FGD2: variants seen among roughly 807,000 people sequenced by gnomAD.
FGD2 encodes FYVE, RhoGEF and PH domain-containing protein 2.
In FGD2, 52 loss-of-function variants were observed where a neutral mutation model predicts 75.9. The ratio of observed to expected loss-of-function variants is 0.69; its 90% CI spans 0.55 to 0.86. FGD2 has a LOEUF of 0.86. Among genes scored for constraint, FGD2 ranks in the 40% least tolerant of loss-of-function variants. FGD2 has a pLI of 0.00. For synonymous variants in FGD2, 347 were observed against 348.6 expected, an observed-to-expected ratio of 1.00 and a Z score of 0.05; for missense variants, 790 against 872.0, an observed-to-expected ratio of 0.91 and a Z score of 1.18.
Position 37,028,265 on chromosome 6 carries a change from C to A in FGD2, c.*102C>A. 8.5e-7 allele frequency: 1 copy of A among 1,182,650 alleles called. No homozygotes were observed. Among genetic ancestry groups the A allele is most frequent in the Non-Finnish European group, 1.1e-6 (1 of 869,914 alleles). The allele number at this position is 1,182,650 out of a possible 1,614,324, so 73.3% of individuals were successfully genotyped here. ...CAGTGACCCACTGCCCCAAGTGGTG[C>A]TTTCAGAGAATTGATTCAGCCATCT... On this transcript the variant is annotated 3_prime_UTR_variant, in exon 16 of 16. Coordinates refer to ENST00000274963, the MANE Select transcript of FGD2 (RefSeq NM_173558.4).
At chr6:37,013,877 TGCCTACTCGTCCG>T in intron 5 of FGD2, 72 bp from the exon 6 acceptor site, 1 of 1,583,228 alleles carries the variant, frequency 6.3e-7, no homozygotes, top group South Asian at 1.2e-5. Context: ...CATAGGCCCC[TGCCTACTCGTCCG>T]GCCCTCAGGA....
intron 15 of FGD2, 43 bp from the exon 16 acceptor site, chr6:37,027,905 G>C (rs1156355865): frequency 6.2e-7 from 1 of 1,600,446 alleles, no homozygotes; most frequent in South Asian, 1.1e-5. Flanking sequence ...GGGGCAGTAG[G>C]ACTGAGAGGG....
At chr6:37,015,893 C>T (rs201123146) in intron 9 of FGD2, 33 bp downstream of exon 9, 17 of 1,541,640 alleles carry the variant, frequency 1.1e-5, no homozygotes, top group Non-Finnish European at 1.4e-5. Context: ...CTGGGCTCCA[C>T]CTCAAGGGTA....
In FGD2 at chr6:37,025,825, G is replaced by A. The variant is rs762784794; in HGVS notation, c.1492G>A (p.Glu498Lys). 78 of 1,614,034 alleles carry A rather than the reference G, an allele frequency of 4.8e-5. No individual in the cohort carries two copies. In the Middle Eastern group the frequency reaches 6.6e-4, roughly 14 times the overall value. The change falls in exon 14 of 16, where the codon GAA (glutamate) becomes AAA (lysine). Residue 498 changes from glutamate to lysine, a missense_variant. By Grantham distance (56) the Glu-to-Lys change is moderately conservative. Transcript: ENST00000274963. The part of the protein sequence containing the change: ...VCARCSDYRA[E>K]LKYDDNRPNR... Reference sequence around the variant, plus strand: ...TGCCAGGTGCTCCGACTACCGGGCCGAACTGAAATACGACGACAACAGGCC... The same window carrying A: ...TGCCAGGTGCTCCGACTACCGGGCCAAACTGAAATACGACGACAACAGGCC...
intron 4 of FGD2, among the ~76,000 whole-genome samples, chr6:37,012,345 G>T (rs570577853): frequency 6.6e-6 from 1 of 152,320 alleles, no homozygotes; most frequent in South Asian, 2.1e-4. Flanking sequence ...TGGCAAAGAA[G>T]AATGCTAGTA....
intron 4 of FGD2, 49 bp downstream of exon 4, chr6:37,011,903 G>A: frequency 6.3e-7 from 1 of 1,591,340 alleles, no homozygotes; most frequent in Non-Finnish European, 8.5e-7. Context: ...GCCCTGGCCA[G>A]GTGGAGGTGG....
chr6:37,027,909 G>A (rs748796437), intron 15 of FGD2, 39 bp from the exon 16 acceptor site: 13 of 1,603,340 alleles, frequency 8.1e-6, no homozygotes, highest in Non-Finnish European at 9.4e-6. Context: ...CAGTAGGACT[G>A]AGAGGGGACA....
rs1206603974 is a variant in FGD2, at chr6:37,025,945, G to A, written c.1605+7G>A. Reference sequence around the variant, plus strand: ...GAGGCGGGGCATCCTGGAGGTGAGGGCCACTGTCCCCGCGCTCACCATCCG... The same window carrying A: ...GAGGCGGGGCATCCTGGAGGTGAGGACCACTGTCCCCGCGCTCACCATCCG... On this transcript the variant is annotated splice_region_variant and intron_variant, in intron 14 of 15. Transcript: ENST00000274963. The A allele has an allele frequency of 1.2e-6, 2 of 1,613,556 alleles. No homozygotes were observed. Among genetic ancestry groups the A allele is most frequent in the Admixed American group, 1.7e-5 (1 of 59,956 alleles).
chr6:37,025,626 A>G (rs1765780767), intron 13 of FGD2, 166 bp from the exon 14 acceptor site: 4 of 696,314 alleles, frequency 5.7e-6, no homozygotes, highest in Non-Finnish European at 9.6e-6. Flanking sequence ...GTTGGGCCTC[A>G]CCAGCATGGG....
At position 37,013,949 on chromosome 6, in the gene FGD2, A is replaced by C; in HGVS notation, c.685-13A>C. On this transcript the variant is annotated splice_polypyrimidine_tract_variant and intron_variant, in intron 5 of 15. Transcript: ENST00000274963. ...CTCACCCTCTCCGTGTTGCTCCCCC[A>C]TCCCTCCCCAAGAGCAGCGAGGCTT... is the stretch of plus-strand genomic sequence containing the variant. 6.2e-7 allele frequency: 1 copy of C among 1,611,346 alleles called. No homozygotes were observed. The highest frequency in any genetic ancestry group is 8.5e-7 in the Non-Finnish European group (1 of 1,178,582).
At chr6:37,027,257 G>A (rs1765870004) in intron 14 of FGD2, among the ~76,000 whole-genome samples, 172 bp from the exon 15 acceptor site, 1 of 152,218 alleles carries the variant, frequency 6.6e-6, no homozygotes, top group Non-Finnish European at 1.5e-5. Context: ...CCACTGGCCA[G>A]CTAGCTGTGT....
intron 8 of FGD2, 100 bp downstream of exon 8, chr6:37,015,138 G>A (rs1416653209): frequency 2.1e-6 from 3 of 1,449,266 alleles, no homozygotes; most frequent in Middle Eastern, 1.8e-4. Flanking sequence ...GCACTGCAGG[G>A]GGACAGGGAA....
In FGD2 at chr6:37,011,677, C is replaced by A. The variant is rs1422370795; in HGVS notation, c.379-29C>A. On this transcript the variant is annotated intron_variant, in intron 3 of 15. Transcript: ENST00000274963. Reference sequence around the variant, plus strand: ...ATGTGTGGGTGGCTCCCTGTCACTGCAGTGAGTGACCTGTCGTGGCGGCTA... The same window carrying A: ...ATGTGTGGGTGGCTCCCTGTCACTGAAGTGAGTGACCTGTCGTGGCGGCTA... 5 of 1,613,496 alleles carry A rather than the reference C, an allele frequency of 3.1e-6. No homozygotes were observed. The African/African-American group carries it at 6.7e-5, about 22-fold the overall frequency.
chr6:37,009,938 CAGG>C (rs1038546169), intron 2 of FGD2: 1 of 148,906 alleles, frequency 6.7e-6, no homozygotes, highest in Non-Finnish European at 1.5e-5. Context: ...CACTTGAATC[CAGG>C]AGGAGGAGGT....
chr6:37,021,783 T>C (rs1765602337), intron 12 of FGD2, 179 bp downstream of exon 12: 4 of 592,550 alleles, frequency 6.8e-6, no homozygotes, highest in Non-Finnish European at 1.2e-5. Context: ...GCATTCCCCT[T>C]TAGCAAAACT....
At position 37,021,592 on chromosome 6, in the gene FGD2, C is replaced by T; in HGVS notation, c.1314C>T (p.Ile438=). The change falls in exon 12 of 16, where the codon ATC becomes ATT. Residue 438 remains isoleucine (I), a synonymous_variant. Coordinates refer to ENST00000274963, the MANE Select transcript of FGD2 (RefSeq NM_173558.4). ...KAAAQGPEGD[I]QEQELQSEEL... ...CGGCCCAGGGGCCTGAGGGAGACAT[C>T]CAGGAGCAGGAGGTAAATGAAGGCT... 6.2e-7 allele frequency: 1 copy of T among 1,613,792 alleles called. No homozygotes were observed. Among genetic ancestry groups the T allele is most frequent in the Non-Finnish European group, 8.5e-7 (1 of 1,179,792 alleles).
chr6:37,019,838 T>C (rs1276128617), intron 9 of FGD2, among the ~76,000 whole-genome samples: 5 of 111,432 alleles, frequency 4.5e-5, no homozygotes, highest in African/African-American at 2.0e-4. Flanking sequence ...TATTTTCTTC[T>C]TCTTTTCTTT....
intron 12 of FGD2, 54 bp downstream of exon 12, chr6:37,021,658 G>T: frequency 6.7e-7 from 1 of 1,492,448 alleles, no homozygotes; most frequent in Non-Finnish European, 9.2e-7. Flanking sequence ...AATAGAGCTT[G>T]TTCCCTCTCT....
At chr6:37,027,628 G>C (rs1359300374) in intron 15 of FGD2, 53 bp downstream of exon 15, 3 of 1,601,560 alleles carry the variant, frequency 1.9e-6, no homozygotes, top group Non-Finnish European at 2.6e-6. Context: ...CCCACAGCGT[G>C]TGTGTGAAGG....
Sources: allele counts gnomAD v4.1 joint callset (sites outside exome capture counted in the v4.1 genomes callset), GRCh38; gene constraint gnomAD v4.1.1; transcripts MANE v1.5; gene names NCBI Gene and HGNC (gene_info 2026-07-23, HGNC 2026-07-21).